USP49: variants seen among roughly 807,000 people sequenced by gnomAD.
The protein encoded by USP49 is ubiquitin carboxyl-terminal hydrolase 49.
In USP49, 24 loss-of-function variants were observed where a neutral mutation model predicts 58.6. The ratio of observed to expected loss-of-function variants is 0.41; its 90% CI spans 0.30 to 0.58. The LOEUF is 0.58. Ranked by LOEUF, USP49 falls within the 20% of genes least tolerant of loss-of-function variation. USP49 has a pLI of 0.30. For synonymous variants in USP49, 408 were observed against 365.1 expected, an observed-to-expected ratio of 1.12 and a Z score of -1.34; for missense variants, 703 against 866.1, an observed-to-expected ratio of 0.81 and a Z score of 2.36.
intron 3 of USP49, among the ~76,000 whole-genome samples, chr6:41,810,907 A>G (rs1773247294): frequency 6.6e-6 from 1 of 151,890 alleles, no homozygotes; most frequent in Non-Finnish European, 1.5e-5. Flanking sequence ...TTTATTCTCT[A>G]CTTTTCATTT....
At chr6:41,797,255 C>T (rs145362738) in intron 7 of USP49, among the ~76,000 whole-genome samples, 29 of 152,130 alleles carry the variant, frequency 1.9e-4, no homozygotes, top group African/African-American at 7.0e-4. Context: ...CCACCGCACC[C>T]AGCCGACTGA....
chr6:41,849,624 T>C (rs1405979525), intron 3 of USP49, among the ~76,000 whole-genome samples: 1 of 151,892 alleles, frequency 6.6e-6, no homozygotes, highest in Non-Finnish European at 1.5e-5. Flanking sequence ...TTTTTTTTTT[T>C]TGGAGACTGA....
intron 3 of USP49, among the ~76,000 whole-genome samples, chr6:41,816,702 C>CTAT (rs10631115): frequency 2.6e-4 from 39 of 149,614 alleles, no homozygotes; most frequent in East Asian, 9.9e-4. Context: ...GTTCCACACT[C>CTAT]TATTATTATT....
At chr6:41,855,183 CT>C (rs567075350) in intron 3 of USP49, among the ~76,000 whole-genome samples, 497 of 142,508 alleles carry the variant, frequency 3.5e-3, no homozygotes, top group African/African-American at 5.9e-3. Context: ...GCTATAGAGA[CT>C]TTTTTTTTTT....
chr6:41,811,689 A>T (rs1476313069), intron 3 of USP49, among the ~76,000 whole-genome samples: 2 of 152,232 alleles, frequency 1.3e-5, no homozygotes, highest in African/African-American at 4.8e-5. Flanking sequence ...CACAGTCTGG[A>T]ATAGTATTGA....
intron 3 of USP49, among the ~76,000 whole-genome samples, chr6:41,855,254 C>T (rs1582023489): frequency 6.6e-6 from 1 of 151,546 alleles, no homozygotes; most frequent in African/African-American, 2.4e-5. Flanking sequence ...GTGGCTCACG[C>T]CTGTAATCTC....
At chr6:41,857,373 G>A (rs12209885) in intron 3 of USP49, among the ~76,000 whole-genome samples, 1 of 151,964 alleles carries the variant, frequency 6.6e-6, no homozygotes, top group Non-Finnish European at 1.5e-5. Context: ...ATCTGGGCGC[G>A]GTGGCTCATG....
chr6:41,846,046 TG>T (rs1349170582), intron 3 of USP49, among the ~76,000 whole-genome samples: 1 of 152,194 alleles, frequency 6.6e-6, no homozygotes, highest in East Asian at 1.9e-4. Flanking sequence ...CCAGGCACGG[TG>T]GCTCACACCT....
rs1056146686 is a variant in USP49, at chr6:41,882,799, C to T, written c.-103+8995G>A. ...GGCATGGTGGCACGCGTCTGTAGTC[C>T]CAGCTACTCGGGAAGCTGATGCAGG... On this transcript the variant is annotated intron_variant, in intron 2 of 7. Transcript: ENST00000682992. 2.6e-5 allele frequency among the ~76,000 whole-genome samples: 4 copies of T among 152,206 alleles called. No homozygotes were observed. The South Asian group carries it at 8.3e-4, about 32-fold the overall frequency.
At chr6:41,883,857 T>TC (rs575006209) in intron 2 of USP49, among the ~76,000 whole-genome samples, 59 of 152,046 alleles carry the variant, frequency 3.9e-4, no homozygotes, top group African/African-American at 1.4e-3. Flanking sequence ...TGGGTCTGTG[T>TC]CCCTGAGAAT....
rs562721497 is a variant in USP49 at position 41,834,992 on chromosome 6, G to A, written c.-28-27981C>T. ...GAAAAAAATAATGTTAAGAGTAGAA[G>A]TGGAGAGATGGTAATAAGGAAAGAA... On this transcript the variant is annotated intron_variant, in intron 3 of 7. Coordinates refer to ENST00000682992, the MANE Select transcript of USP49 (RefSeq NM_001286554.2). 3.3e-5 allele frequency among the ~76,000 whole-genome samples: 5 copies of A among 152,332 alleles called. No homozygotes were observed. In the South Asian group the frequency reaches 8.3e-4, roughly 25 times the overall value.
At chr6:41,876,613 C>T (rs1774508948) in intron 2 of USP49, among the ~76,000 whole-genome samples, 3 of 152,024 alleles carry the variant, frequency 2.0e-5, no homozygotes, top group African/African-American at 7.2e-5. Context: ...GGGGTTTCAC[C>T]ATGTTGGCCA....
chr6:41,818,949 T>C (rs146708982), intron 3 of USP49, among the ~76,000 whole-genome samples: 1,698 of 152,148 alleles, frequency 0.011, 17 homozygotes, highest in Non-Finnish European at 0.017. Context: ...CTACTTCCTG[T>C]GTGTCATTCT....
intron 3 of USP49, among the ~76,000 whole-genome samples, chr6:41,849,899 C>A (rs1458610880): frequency 2.6e-5 from 4 of 152,032 alleles, no homozygotes; most frequent in Admixed American, 1.3e-4. Flanking sequence ...GCCACTGTGC[C>A]CGGCACAAAG....
intron 3 of USP49, among the ~76,000 whole-genome samples, chr6:41,836,857 G>GCACACA (rs149924359): frequency 1.4e-5 from 2 of 146,612 alleles, no homozygotes; most frequent in African/African-American, 2.5e-5. Flanking sequence ...ACACACACAC[G>GCACACA]CACACACACA....
At chr6:41,810,550 CT>C (rs113292186) in intron 3 of USP49, among the ~76,000 whole-genome samples, 134,989 of 139,118 alleles carry the variant, frequency 0.97, 65,515 homozygotes, top group South Asian at 0.99. Context: ...GATAGTTCCT[CT>C]TTTTTTTTTT....
intron 3 of USP49, among the ~76,000 whole-genome samples, chr6:41,841,025 AC>A (rs376159635): frequency 6.7e-6 from 1 of 148,862 alleles, no homozygotes; most frequent in African/African-American, 2.6e-5. Flanking sequence ...AAAAAAAAAA[AC>A]AAAAAACAAA....
rs780443900 is a variant in USP49, at chr6:41,806,048, G to A, written c.936C>T (p.Ala312=). 7 of 1,614,060 alleles carry A rather than the reference G, an allele frequency of 4.3e-6. No individual in the cohort carries two copies. The South Asian group carries it at 7.7e-5, about 18-fold the overall frequency. The stretch of plus-strand genomic sequence containing the variant: ...TGTCATTTCTCAAGGACAGCTCCGT[G>A]GCCGAGCTGTTGGTTGGCTTGCCAG... The part of the protein sequence containing the change: ...QLSGKPTNSS[A]TELSLRNDRA... Residue 312 remains alanine, a synonymous_variant, in exon 4 of 8, where the codon GCC becomes GCT. Transcript: ENST00000682992. The surrounding 1 kb of genome is among the most constrained non-coding windows in gnomAD (Gnocchi z 5.9).
At chr6:41,809,780 T>C (rs1009294670) in intron 3 of USP49, among the ~76,000 whole-genome samples, 2 of 151,342 alleles carry the variant, frequency 1.3e-5, no homozygotes, top group African/African-American at 2.4e-5. Context: ...TGAGCCGAGA[T>C]TGCGCCACGG....
Sources: allele counts gnomAD v4.1 joint callset (sites outside exome capture counted in the v4.1 genomes callset), GRCh38; gene constraint gnomAD v4.1.1; non-coding constraint Gnocchi (gnomAD v3.1); transcripts MANE v1.5; gene names NCBI Gene and HGNC (gene_info 2026-07-23, HGNC 2026-07-21).